The following C2orf76 variants were observed in gnomAD, a reference collection of about 807,000 sequenced individuals.
The protein encoded by C2orf76 is UPF0538 protein C2orf76.
In C2orf76, 23 loss-of-function variants were observed where a neutral mutation model predicts 16.9. That is an observed-to-expected ratio of 1.36 (90% CI 0.98 to 1.93). The LOEUF is 1.93. Ranked by LOEUF, C2orf76 falls within the 30% of genes most tolerant of loss-of-function variation. The probability of loss-of-function intolerance (pLI) is 0.00; values close to 1 mark genes in which losing one functional copy is unlikely to be tolerated. For missense variants in C2orf76, 152 were observed against 152.6 expected, an observed-to-expected ratio of 1.00 and a Z score of 0.02; for synonymous variants, 48 against 52.3, an observed-to-expected ratio of 0.92 and a Z score of 0.35.
intron 5 of C2orf76, among the ~76,000 whole-genome samples, chr2:119,308,994 C>T (rs1220454237): frequency 1.3e-5 from 2 of 152,202 alleles, no homozygotes; most frequent in Non-Finnish European, 2.9e-5. Context: ...ACAATTGCTG[C>T]TGTCCAAGGT....
chr2:119,355,122 T>C (rs1326670344), intron 1 of C2orf76, among the ~76,000 whole-genome samples: 1 of 152,134 alleles, frequency 6.6e-6, no homozygotes, highest in African/African-American at 2.4e-5. Context: ...GACAGTTGAG[T>C]TTTCCCAAGG....
chr2:119,317,593 T>C, intron 3 of C2orf76, 90 bp from the exon 4 acceptor site: 2 of 1,010,826 alleles, frequency 2.0e-6, no homozygotes, highest in South Asian at 3.0e-5. Flanking sequence ...GCTACGAAAT[T>C]GAGAAATGTA....
intron 2 of C2orf76, among the ~76,000 whole-genome samples, chr2:119,323,413 A>G (rs956020194): frequency 3.3e-5 from 5 of 152,182 alleles, no homozygotes; most frequent in Non-Finnish European, 5.9e-5. Flanking sequence ...CATTTAAAGC[A>G]CCTACTACCA....
At chr2:119,310,612 T>C (rs560532417) in intron 5 of C2orf76, among the ~76,000 whole-genome samples, 17 of 152,202 alleles carry the variant, frequency 1.1e-4, no homozygotes, top group African/African-American at 2.2e-4. Flanking sequence ...CAAGTGCATA[T>C]AAATAATTAT....
the C2orf76 span, among the ~76,000 whole-genome samples, chr2:119,293,411 T>G: frequency 1.2e-4 from 19 of 152,202 alleles, no homozygotes; most frequent in Admixed American, 6.5e-5. Flanking sequence ...CAGCTGGCCC[T>G]GGGGCGTGCA....
intron 1 of C2orf76, chr2:119,366,475 G>C (rs768758997): frequency 4.2e-6 from 2 of 471,696 alleles, no homozygotes; most frequent in African/African-American, 4.0e-5. Flanking sequence ...CGCCTTTCGG[G>C]AGACCAGTCC....
chr2:119,366,842 C>T, upstream of C2orf76: 1 of 640,246 alleles, frequency 1.6e-6, no homozygotes, highest in Non-Finnish European at 2.7e-6. Flanking sequence ...AGCGGTCCCA[C>T]GTGGGCTCGG....
intron 1 of C2orf76, among the ~76,000 whole-genome samples, chr2:119,364,576 C>T (rs1227583429): frequency 2.0e-5 from 3 of 152,224 alleles, no homozygotes; most frequent in Non-Finnish European, 2.9e-5. Context: ...GTGCCAGACA[C>T]TTGGAGATTC....
chr2:119,286,945 A>T, the C2orf76 span, among the ~76,000 whole-genome samples: 7 of 152,140 alleles, frequency 4.6e-5, no homozygotes, highest in African/African-American at 1.7e-4. Context: ...CCAGCTATGG[A>T]CTAGGAATTT....
At chr2:119,320,022 A>G (rs1679294930) in intron 3 of C2orf76, among the ~76,000 whole-genome samples, 1 of 152,226 alleles carries the variant, frequency 6.6e-6, no homozygotes, top group Admixed American at 6.5e-5. Flanking sequence ...CTGCCAATTC[A>G]TCTGAATAGT....
At chr2:119,304,662 A>T (rs1678721090) in intron 5 of C2orf76, among the ~76,000 whole-genome samples, 1 of 152,218 alleles carries the variant, frequency 6.6e-6, no homozygotes, top group African/African-American at 2.4e-5. Context: ...TTCACCCTTA[A>T]CAAATTGGAA....
intron 5 of C2orf76, among the ~76,000 whole-genome samples, chr2:119,304,293 G>A (rs1477573400): frequency 1.3e-5 from 2 of 152,216 alleles, no homozygotes; most frequent in Non-Finnish European, 2.9e-5. Context: ...ACTTTACACA[G>A]TGCTTTGCCC....
chr2:119,339,509 C>T (rs1175406334), intron 2 of C2orf76, among the ~76,000 whole-genome samples: 1 of 151,962 alleles, frequency 6.6e-6, no homozygotes, highest in African/African-American at 2.4e-5. Context: ...CTACACTACA[C>T]CCGCTTGCTA....
intron 2 of C2orf76, among the ~76,000 whole-genome samples, chr2:119,332,584 T>C (rs1459385894): frequency 6.6e-6 from 1 of 152,194 alleles, no homozygotes; most frequent in Non-Finnish European, 1.5e-5. Context: ...TAAAACAATC[T>C]GGATGCAGCT....
At chr2:119,321,853 C>CATATATAT (rs34104959) in intron 2 of C2orf76, among the ~76,000 whole-genome samples, 3,672 of 149,138 alleles carry the variant, frequency 0.025, 83 homozygotes, top group African/African-American at 0.063. Flanking sequence ...TTGTGTGAGA[C>CATATATAT]ATATATATAT....
At chr2:119,325,623 A>G (rs1468434059) in intron 2 of C2orf76, among the ~76,000 whole-genome samples, 2 of 152,186 alleles carry the variant, frequency 1.3e-5, no homozygotes, top group Non-Finnish European at 2.9e-5. Flanking sequence ...CCTCCAAAAA[A>G]AGGAAAGAAA....
the C2orf76 span, among the ~76,000 whole-genome samples, chr2:119,290,429 A>C: frequency 6.6e-6 from 1 of 152,128 alleles, no homozygotes; most frequent in Non-Finnish European, 1.5e-5. Context: ...GAAATGGCCC[A>C]TCATTAAATA....
intron 1 of C2orf76, among the ~76,000 whole-genome samples, chr2:119,342,942 G>T (rs937425512): frequency 3.9e-5 from 6 of 152,028 alleles, no homozygotes; most frequent in Admixed American, 6.6e-5. Context: ...GCTAATTTTT[G>T]TATTTTTAGT....
Position 119,311,614 on chromosome 2 carries a change from T to C in C2orf76, c.304+8A>G. On this transcript the variant is annotated splice_region_variant and intron_variant, in intron 5 of 5. Coordinates refer to ENST00000334816, the MANE Select transcript of C2orf76 (RefSeq NM_001322331.2). The stretch of plus-strand genomic sequence containing the variant: ...CCCCCTCCAGCAACACAAGGCCCCC[T>C]TCCTCACCGATTCCAGCTGCTTTCA... 6.2e-7 allele frequency: 1 copy of C among 1,612,762 alleles called. No individual in the cohort carries two copies. The highest frequency in any genetic ancestry group is 2.2e-5 in the East Asian group (1 of 44,854).
Sources: gnomAD v4.1 joint callset for allele counts (sites outside exome capture counted in the v4.1 genomes callset) on GRCh38, gnomAD v4.1.1 for gene constraint, MANE v1.5 for transcripts, NCBI Gene and HGNC (gene_info 2026-07-23, HGNC 2026-07-21) for gene names.